Variants in SYNJ2 observed in about 807,000 individuals in gnomAD.
The protein encoded by SYNJ2 is synaptojanin 2.
SYNJ2 carries 116 observed loss-of-function variants against 141.3 expected under a neutral mutation model. That is an observed-to-expected ratio of 0.82 (90% confidence interval 0.71 to 0.96). SYNJ2 has a LOEUF of 0.96. Among genes scored for constraint, SYNJ2 ranks in the 40% least tolerant of loss-of-function variants. The pLI, the probability that SYNJ2 is intolerant of heterozygous loss-of-function variation, is 0.00. For synonymous variants in SYNJ2, 745 were observed against 777.7 expected (o/e 0.96, Z 0.70); for missense variants, 1,873 against 1,934.8 (o/e 0.97, Z 0.60).
intron 2 of SYNJ2, chr6:158,017,875 G>A: frequency 2.1e-6 from 1 of 465,268 alleles, no homozygotes; most frequent in South Asian, 1.6e-5. Context: ...TGCCAGAGAA[G>A]CTCGTCTTCA....
rs748827884 is a variant in SYNJ2, at chr6:158,081,280, T to C, written c.2739T>C (p.Thr913=). 7 of 1,614,182 alleles carry C rather than the reference T, an allele frequency of 4.3e-6. No homozygotes were observed. In the South Asian group the frequency reaches 7.7e-5, roughly 18 times the overall value. The part of the protein sequence containing the change: ...EKNEFPEDLR[T]ELMQTLGSYG... The stretch of plus-strand genomic sequence containing the variant: ...ACGAGTTTCCAGAGGACCTGCGTAC[T>C]GAGCTCATGCAGACCTTGGGGAGTT... The change falls in exon 19 of 27, where the codon ACT becomes ACC. Residue 913 remains threonine (T), a synonymous_variant. Coordinates refer to ENST00000355585, the MANE Select transcript of SYNJ2 (RefSeq NM_003898.4).
At chr6:157,986,309 G>C (rs938209429) in intron 1 of SYNJ2, among the ~76,000 whole-genome samples, 2 of 152,182 alleles carry the variant, frequency 1.3e-5, no homozygotes, top group Non-Finnish European at 2.9e-5. Flanking sequence ...TTTACAAAAT[G>C]CAAACTGGGA....
At chr6:157,990,425 G>A (rs1205231539) in intron 1 of SYNJ2, among the ~76,000 whole-genome samples, 1 of 152,152 alleles carries the variant, frequency 6.6e-6, no homozygotes, top group African/African-American at 2.4e-5. Flanking sequence ...TGAGGACAGG[G>A]CCTCACCCCC....
rs1408245140 is a variant in SYNJ2 at position 158,027,482 on chromosome 6, A to T, written c.215-1274A>T. On this transcript the variant is annotated intron_variant, in intron 2 of 26. Coordinates refer to ENST00000355585, the MANE Select transcript of SYNJ2 (RefSeq NM_003898.4). This position sits in a 1 kb window ranked among gnomAD's most constrained non-coding sequence, Gnocchi z 4.6. Reference sequence around the variant, plus strand: ...GAAGTGCCCTTGTGAGCAGCGGGGGATAGGGAACAGAAAACCAGCTGTCAG... The same window carrying T: ...GAAGTGCCCTTGTGAGCAGCGGGGGTTAGGGAACAGAAAACCAGCTGTCAG... 1 of 152,578 alleles carries T rather than the reference A, an allele frequency of 6.6e-6. No homozygotes were observed. Among genetic ancestry groups the T allele is most frequent in the East Asian group, 1.9e-4 (1 of 5,182 alleles). 9.5% of individuals were successfully genotyped at this position (152,578 alleles called of 1,614,324 possible). A position where few individuals can be genotyped will look rare whatever the true frequency, so the allele number is the denominator to read the frequency against.
At chr6:158,047,070 G>T (rs565886321) in intron 5 of SYNJ2, among the ~76,000 whole-genome samples, 18 of 152,288 alleles carry the variant, frequency 1.2e-4, no homozygotes, top group African/African-American at 4.3e-4. Flanking sequence ...TCGTGGCGCT[G>T]GATGGGCTTG....
chr6:158,063,260 G>A (rs1395410704), intron 8 of SYNJ2, among the ~76,000 whole-genome samples: 1 of 152,154 alleles, frequency 6.6e-6, no homozygotes, highest in Non-Finnish European at 1.5e-5. Context: ...CGACCCAGCT[G>A]TGCAGGCTAC....
chr6:158,034,301 G>A (rs1779524679), intron 4 of SYNJ2, among the ~76,000 whole-genome samples: 1 of 152,088 alleles, frequency 6.6e-6, no homozygotes, highest in Admixed American at 6.5e-5. Context: ...GTAAGATAAG[G>A]CCACCATGTG....
intron 18 of SYNJ2, 109 bp from the exon 19 acceptor site, chr6:158,081,000 T>C: frequency 1.0e-6 from 1 of 993,394 alleles, no homozygotes; most frequent in Non-Finnish European, 1.6e-6. Flanking sequence ...AGCTGGGGAC[T>C]GGGGGCTGGA....
chr6:158,075,595 C>T (rs1050965218), intron 16 of SYNJ2, among the ~76,000 whole-genome samples: 1 of 151,498 alleles, frequency 6.6e-6, no homozygotes, highest in Non-Finnish European at 1.5e-5. Flanking sequence ...GAGCCGAGAT[C>T]GCACCACTGC....
chr6:158,054,646 CA>C (rs890669651), intron 5 of SYNJ2, among the ~76,000 whole-genome samples: 4 of 152,198 alleles, frequency 2.6e-5, no homozygotes, highest in African/African-American at 9.7e-5. Flanking sequence ...TCTGTGCTAT[CA>C]GAGAGCTTAG....
intron 4 of SYNJ2, among the ~76,000 whole-genome samples, chr6:158,042,005 G>T (rs1420254793): frequency 6.6e-6 from 1 of 152,252 alleles, no homozygotes; most frequent in East Asian, 1.9e-4. Flanking sequence ...GTGAGTCACT[G>T]CGCCCAGCCT....
At chr6:158,073,025 G>A (rs1025827110) in intron 15 of SYNJ2, among the ~76,000 whole-genome samples, 1 of 146,074 alleles carries the variant, frequency 6.8e-6, no homozygotes, top group Non-Finnish European at 1.5e-5. Flanking sequence ...AGCTGAGATC[G>A]CACCACTACA....
chr6:158,012,906 T>C (rs943858857), intron 1 of SYNJ2, among the ~76,000 whole-genome samples: 4 of 152,316 alleles, frequency 2.6e-5, no homozygotes. Context: ...GATGATTTCA[T>C]TGATTATCTT....
At position 158,076,730 on chromosome 6, in the gene SYNJ2, C is replaced by T; in HGVS notation, c.2397C>T (p.Ala799=). ...YDTSDKCRTP[A]WTDRVLWWRK... ...CAAGCGACAAATGCCGCACCCCCGC[C>T]TGGACAGACAGGGTGCTGTGGTGGA... Residue 799 remains alanine (A), a synonymous_variant, in exon 17 of 27, where the codon GCC becomes GCT. Coordinates refer to ENST00000355585, the MANE Select transcript of SYNJ2 (RefSeq NM_003898.4). 1 of 1,614,238 alleles carries T rather than the reference C, an allele frequency of 6.2e-7. No homozygotes were observed. The highest frequency in any genetic ancestry group is 1.1e-5 in the South Asian group (1 of 91,084).
intron 25 of SYNJ2, among the ~76,000 whole-genome samples, chr6:158,090,553 T>TTG (rs1554257297): frequency 1.3e-5 from 2 of 148,682 alleles, no homozygotes; most frequent in Admixed American, 6.7e-5. Flanking sequence ...TTTTTTTTTT[T>TTG]TTTTTTTTTG....
chr6:157,993,438 C>G (rs983096108), intron 1 of SYNJ2, among the ~76,000 whole-genome samples: 4 of 152,112 alleles, frequency 2.6e-5, no homozygotes, highest in East Asian at 1.9e-4. Context: ...TTATTAGTCC[C>G]TTGTCAGATG....
rs1327944416 is a variant in SYNJ2 at position 158,086,901 on chromosome 6, G to C, written c.3255G>C (p.Gly1085=). The change falls in exon 23 of 27, where the codon GGG becomes GGC. Residue 1085 remains glycine (G), a synonymous_variant. Transcript: ENST00000355585. Reference sequence around the variant, plus strand: ...TCAAGCGGGAGCTGGAAGCCGTCGGGGAGTTCCGCCACCGTTCTCCGAGCA... The same window carrying C: ...TCAAGCGGGAGCTGGAAGCCGTCGGCGAGTTCCGCCACCGTTCTCCGAGCA... ...VELKRELEAV[G]EFRHRSPSRS... 1.9e-6 allele frequency: 3 copies of C among 1,610,324 alleles called. No individual in the cohort carries two copies. The highest frequency in any genetic ancestry group is 1.3e-5 in the African/African-American group (1 of 75,064).
intron 5 of SYNJ2, among the ~76,000 whole-genome samples, chr6:158,054,049 TTCATCCATCCACCCA>T (rs1425539005): frequency 1.4e-5 from 2 of 141,176 alleles, no homozygotes; most frequent in Non-Finnish European, 3.1e-5. Context: ...CATCCCCCCA[TTCATCCATCCACCCA>T]TTATCCATCC....
chr6:157,998,848 C>A (rs1041117951), intron 1 of SYNJ2, among the ~76,000 whole-genome samples: 2 of 152,178 alleles, frequency 1.3e-5, no homozygotes, highest in African/African-American at 4.8e-5. Flanking sequence ...GTGAACACAC[C>A]CACATAGCCA....
Sources: allele counts gnomAD v4.1 joint callset (sites outside exome capture counted in the v4.1 genomes callset), GRCh38; gene constraint gnomAD v4.1.1; non-coding constraint Gnocchi (gnomAD v3.1); transcripts MANE v1.5; gene names NCBI Gene and HGNC (gene_info 2026-07-23, HGNC 2026-07-21).